Variants in LDB3 observed in about 807,000 individuals in gnomAD.
LDB3 encodes the protein LIM domain binding 3.
Under a neutral mutation model 69.0 loss-of-function variants are expected in LDB3, and 49 were observed. That is an observed-to-expected ratio of 0.71 (90% CI 0.56 to 0.90). LDB3 has a LOEUF of 0.90. LDB3 is among the 40% of genes least tolerant of loss of function. LDB3 has a pLI of 0.00. For synonymous variants in LDB3, 387 were observed against 396.2 expected, an observed-to-expected ratio of 0.98 and a Z score of 0.28; for missense variants, 928 against 974.1, an observed-to-expected ratio of 0.95 and a Z score of 0.63.
chr10:86,714,223 C>T (rs1019848703), intron 9 of LDB3, among the ~76,000 whole-genome samples: 9 of 152,098 alleles, frequency 5.9e-5, no homozygotes, highest in Admixed American at 5.9e-4. Context: ...GACACAAAAC[C>T]AGGAGGTAGT....
intron 8 of LDB3, 91 bp downstream of exon 8, chr10:86,706,810 G>A: frequency 2.2e-6 from 3 of 1,388,974 alleles, no homozygotes; most frequent in Non-Finnish European, 3.0e-6. Context: ...CTGTGTCCAA[G>A]GTAGTTAGGG....
chr10:86,702,279 A>G (rs973413001), intron 7 of LDB3, among the ~76,000 whole-genome samples: 2 of 152,146 alleles, frequency 1.3e-5, no homozygotes, highest in African/African-American at 4.8e-5. Flanking sequence ...CATCACCAAC[A>G]GTTCTGACCA....
intron 13 of LDB3, among the ~76,000 whole-genome samples, chr10:86,729,984 CAT>C (rs1847398359): frequency 1.3e-5 from 2 of 152,148 alleles, no homozygotes; most frequent in South Asian, 4.1e-4. Flanking sequence ...CATCTTTTTG[CAT>C]AGTCTTTAAA....
In LDB3 at chr10:86,735,800, A is replaced by T. The variant is rs1248329920; in HGVS notation, c.*2824A>T. On this transcript the variant is annotated 3_prime_UTR_variant, in exon 14 of 14. Coordinates refer to ENST00000361373, the MANE Select transcript of LDB3 (RefSeq NM_007078.3). ...GTTGCAAAAAAAAAAAAAAAAAAAA[A>T]ATTATAATCACAACTTTTTGCAATG... 1 of 151,620 alleles carries T rather than the reference A, an allele frequency of 6.6e-6. No homozygotes were observed. The allele number at this position is 151,620 out of a possible 1,614,324, so 9.4% of individuals were successfully genotyped here. A position where few individuals can be genotyped will look rare whatever the true frequency, so the allele number is the denominator to read the frequency against.
rs1589656722 is a variant in LDB3 at position 86,699,578 on chromosome 10, A to C, written c.897-6953A>C. 2 of 1,421,280 alleles carry C rather than the reference A, an allele frequency of 1.4e-6. No individual in the cohort carries two copies. Among genetic ancestry groups the C allele is most frequent in the South Asian group, 1.5e-5 (1 of 68,314 alleles). The allele number at this position is 1,421,280 out of a possible 1,614,324, so 88.0% of individuals were successfully genotyped here. ...CCCAGCCCCCTGCAGCTCTGTACCC[A>C]CCAAACCTCCCCAGGGCAACCCTCG... On this transcript the variant is annotated intron_variant, in intron 7 of 13. Transcript: ENST00000361373. This position sits in a 1 kb window ranked among gnomAD's most constrained non-coding sequence, Gnocchi z 4.9.
intron 6 of LDB3, 39 bp downstream of exon 6, chr10:86,692,104 A>C: frequency 6.2e-7 from 1 of 1,611,298 alleles, no homozygotes; most frequent in Non-Finnish European, 8.5e-7. Flanking sequence ...GAGGAGGGAG[A>C]TGCTGAGGGG....
intron 2 of LDB3, among the ~76,000 whole-genome samples, chr10:86,672,669 AGGCTCACAGCT>A (rs1486897452): frequency 6.6e-6 from 1 of 152,232 alleles, no homozygotes; most frequent in African/African-American, 2.4e-5. Context: ...AGAGGCTCAG[AGGCTCACAGCT>A]GGGGAATGCA....
intron 5 of LDB3, among the ~76,000 whole-genome samples, chr10:86,682,360 G>A (rs1263692483): frequency 6.6e-6 from 1 of 152,146 alleles, no homozygotes; most frequent in African/African-American, 2.4e-5. Flanking sequence ...GGGTTTGCAG[G>A]AGTGACCTTG....
At position 86,674,618 on chromosome 10, in the gene LDB3, C is replaced by T. The variant is rs141792542; in HGVS notation, c.94-4749C>T. On this transcript the variant is annotated intron_variant, in intron 2 of 13. Transcript: ENST00000361373. ...TCCAGGGTTTAGAGGGGCCCATTGG[C>T]GGGAGAAGACTGAAATGTGAAGTGG... is the stretch of plus-strand genomic sequence containing the variant. Among the ~76,000 whole-genome samples the T allele has an allele frequency of 2.1e-3, 315 of 152,066 alleles. 2 individuals carry two copies. Among genetic ancestry groups the T allele is most frequent in the African/African-American group, 7.2e-3 (299 of 41,460 alleles).
At chr10:86,670,286 T>C (rs528173957) in intron 2 of LDB3, among the ~76,000 whole-genome samples, 58 of 152,272 alleles carry the variant, frequency 3.8e-4, no homozygotes, top group Middle Eastern at 6.8e-3. Flanking sequence ...TTGCACACTT[T>C]GCATGAGGTG....
intron 7 of LDB3, among the ~76,000 whole-genome samples, chr10:86,706,221 T>G (rs1235646438): frequency 6.9e-6 from 1 of 145,462 alleles, no homozygotes; most frequent in Non-Finnish European, 1.5e-5. Context: ...CCACACTGTT[T>G]TGCTGAAAAA....
intron 2 of LDB3, among the ~76,000 whole-genome samples, chr10:86,676,514 G>A (rs769310214): frequency 4.1e-5 from 6 of 145,352 alleles, no homozygotes; most frequent in South Asian, 2.2e-4. Flanking sequence ...GCAGTGAGCC[G>A]AGATGATGCC....
intron 7 of LDB3, among the ~76,000 whole-genome samples, chr10:86,695,136 C>T (rs1757375675): frequency 3.6e-5 from 1 of 28,040 alleles, no homozygotes; most frequent in Non-Finnish European, 1.2e-4. Flanking sequence ...GGTGCTTTCT[C>T]CTTCCTGGTG....
chr10:86,702,038 T>C (rs1316003095), intron 7 of LDB3, among the ~76,000 whole-genome samples: 1 of 152,152 alleles, frequency 6.6e-6, no homozygotes, highest in African/African-American at 2.4e-5. Flanking sequence ...GGCAAAGTGA[T>C]GCAGCTCAGG....
intron 2 of LDB3, among the ~76,000 whole-genome samples, chr10:86,678,389 G>A (rs941013450): frequency 2.0e-5 from 3 of 149,450 alleles, no homozygotes; most frequent in African/African-American, 7.5e-5. Flanking sequence ...ACCCAGGCTG[G>A]AGTGCAGTGG....
intron 5 of LDB3, among the ~76,000 whole-genome samples, chr10:86,689,378 G>A (rs530015164): frequency 7.9e-5 from 12 of 152,276 alleles, no homozygotes; most frequent in Admixed American, 2.0e-4. Flanking sequence ...GTCAGCCCAC[G>A]TGCTCTGTCC....
intron 2 of LDB3, 108 bp from the exon 3 acceptor site, chr10:86,679,259 A>T: frequency 7.1e-7 from 1 of 1,403,466 alleles, no homozygotes; most frequent in African/African-American, 1.4e-5. Flanking sequence ...AATGAAAAAC[A>T]CAATGACGGC....
chr10:86,673,447 G>A (rs1844599496), intron 2 of LDB3, among the ~76,000 whole-genome samples: 1 of 152,208 alleles, frequency 6.6e-6, no homozygotes, highest in African/African-American at 2.4e-5. Context: ...GTGCAGAAAG[G>A]AGACATGACA....
In LDB3 at chr10:86,668,540, C is replaced by T; in HGVS notation, c.-54C>T. ...TTAGGAGCCTCTCAAGAGCTCCACG[C>T]AGCCCGGCTGGGCAGCAAGGGACAG... On this transcript the variant is annotated 5_prime_UTR_variant, in exon 1 of 14. Coordinates refer to ENST00000361373, the MANE Select transcript of LDB3 (RefSeq NM_007078.3). The T allele has an allele frequency of 1.4e-6, 1 of 723,064 alleles. No individual in the cohort carries two copies. The highest frequency in any genetic ancestry group is 1.4e-5 in the South Asian group (1 of 68,986). The allele number at this position is 723,064 out of a possible 1,614,324, so 44.8% of individuals were successfully genotyped here.
Sources: allele counts gnomAD v4.1 joint callset (sites outside exome capture counted in the v4.1 genomes callset), GRCh38; gene constraint gnomAD v4.1.1; non-coding constraint Gnocchi (gnomAD v3.1); transcripts MANE v1.5; gene names NCBI Gene and HGNC (gene_info 2026-07-23, HGNC 2026-07-21).